The following DCAF8L2 variants were observed in gnomAD, a reference collection of about 807,000 sequenced individuals.
DCAF8L2 encodes the protein DDB1 and CUL4 associated factor 8 like 2, also known as DDB1- and CUL4-associated factor 8-like protein 2.
For missense variants in DCAF8L2, 430 were observed against 490.7 expected (o/e 0.88, Z 1.17); for synonymous variants, 200 against 190.9 (o/e 1.05, Z -0.39).
intron 2 of DCAF8L2, among the ~76,000 whole-genome samples, chrX:27,637,224 G>C (rs1928538403): frequency 8.9e-6 from 1 of 112,050 alleles, no homozygotes; most frequent in Admixed American, 9.5e-5. Context: ...AAGCCAGTTT[G>C]TTTCAGGTTT....
chrX:27,525,278 T>C, the DCAF8L2 span, among the ~76,000 whole-genome samples: 1 of 112,259 alleles, frequency 8.9e-6, no homozygotes, highest in East Asian at 2.8e-4. Context: ...CCTTTACCAT[T>C]ATGTAATGGC....
the DCAF8L2 span, among the ~76,000 whole-genome samples, chrX:27,516,487 AAC>A: frequency 1.2e-5 from 1 of 83,066 alleles, no homozygotes; most frequent in Non-Finnish European, 2.4e-5. Context: ...CACACACACA[AAC>A]ACACACACAT....
chrX:27,592,431 TG>T (rs150814309), intron 1 of DCAF8L2, among the ~76,000 whole-genome samples: 30 of 105,346 alleles, frequency 2.8e-4, no homozygotes, highest in African/African-American at 9.8e-4. Context: ...TTTTTTTTTT[TG>T]GTTTATTTAT....
the DCAF8L2 span, among the ~76,000 whole-genome samples, chrX:27,536,218 A>C: frequency 1.8e-5 from 2 of 112,694 alleles, no homozygotes; most frequent in South Asian, 7.2e-4. Flanking sequence ...ATTAATAAAT[A>C]AATGAGCCAA....
chrX:27,552,715 G>A, the DCAF8L2 span, among the ~76,000 whole-genome samples: 1 of 111,201 alleles, frequency 9.0e-6, no homozygotes, highest in Non-Finnish European at 1.9e-5. Context: ...ATTATATTTT[G>A]TAGTCAGGTA....
chrX:27,639,064 G>A (rs1464947471), intron 2 of DCAF8L2, among the ~76,000 whole-genome samples: 1 of 111,806 alleles, frequency 8.9e-6, no homozygotes, highest in African/African-American at 3.3e-5. Context: ...ATATCATCAC[G>A]GGATCTCTGT....
At chrX:27,488,481 G>T in the DCAF8L2 span, among the ~76,000 whole-genome samples, 4 of 106,025 alleles carry the variant, frequency 3.8e-5, no homozygotes, top group Admixed American at 4.1e-4. Context: ...AAACACAAAG[G>T]CTTTTTTACA....
At chrX:27,535,785 G>A in the DCAF8L2 span, among the ~76,000 whole-genome samples, 2 of 111,715 alleles carry the variant, frequency 1.8e-5, no homozygotes, top group Non-Finnish European at 3.8e-5. Context: ...GCTCACGCAA[G>A]TAAAAGAGAC....
intron 2 of DCAF8L2, among the ~76,000 whole-genome samples, chrX:27,638,852 C>A (rs1406309927): frequency 9.0e-6 from 1 of 111,581 alleles, no homozygotes; most frequent in African/African-American, 3.3e-5. Context: ...AATCCACCCC[C>A]ACCCAAAGAG....
intron 4 of DCAF8L2, among the ~76,000 whole-genome samples, chrX:27,740,171 CTTGCAA>C (rs1457170973): frequency 8.9e-6 from 1 of 112,054 alleles, no homozygotes; most frequent in African/African-American, 3.2e-5. Flanking sequence ...TGCTGAACTG[CTTGCAA>C]TTACCCAACT....
chrX:27,478,653 T>C, the DCAF8L2 span, among the ~76,000 whole-genome samples: 1 of 112,205 alleles, frequency 8.9e-6, no homozygotes, highest in Non-Finnish European at 1.9e-5. Flanking sequence ...TTTTTAAATG[T>C]ACCATGAGAA....
intron 1 of DCAF8L2, among the ~76,000 whole-genome samples, chrX:27,622,811 T>C (rs1218533785): frequency 9.0e-6 from 1 of 110,728 alleles, no homozygotes; most frequent in Non-Finnish European, 1.9e-5. Context: ...ACAGGGTGTA[T>C]GGGAGTTATT....
chrX:27,642,144 C>T (rs922401046), intron 2 of DCAF8L2, among the ~76,000 whole-genome samples: 4 of 110,523 alleles, frequency 3.6e-5, no homozygotes, highest in Admixed American at 9.7e-5. Context: ...CCGCCCACCT[C>T]GGCCTCCCAA....
chrX:27,609,633 C>T (rs891413725), intron 1 of DCAF8L2, among the ~76,000 whole-genome samples: 4 of 111,302 alleles, frequency 3.6e-5, no homozygotes, highest in African/African-American at 1.3e-4. Flanking sequence ...CACTGGATTC[C>T]CTGCCAAACG....
intron 1 of DCAF8L2, among the ~76,000 whole-genome samples, chrX:27,593,410 T>C (rs1238594249): frequency 7.1e-5 from 8 of 112,446 alleles, no homozygotes; most frequent in Admixed American, 1.9e-4. Flanking sequence ...ATGTCCTTCC[T>C]TTTTCAAGGC....
chrX:27,696,152 T>A, intron 3 of DCAF8L2, among the ~76,000 whole-genome samples: 1 of 103,310 alleles, frequency 9.7e-6, no homozygotes, highest in Middle Eastern at 5.0e-3. Context: ...TGAGCTGAGA[T>A]CATGCCACTG....
the DCAF8L2 span, among the ~76,000 whole-genome samples, chrX:27,514,704 A>AAG: frequency 1.0e-5 from 1 of 98,916 alleles, no homozygotes; most frequent in Admixed American, 1.0e-4. Flanking sequence ...AACAAAAAAA[A>AAG]AAAACAGAGT....
chrX:27,525,783 T>C, the DCAF8L2 span, among the ~76,000 whole-genome samples: 1 of 111,656 alleles, frequency 9.0e-6, no homozygotes, highest in Non-Finnish European at 1.9e-5. Flanking sequence ...CCTTCACTTA[T>C]GAAGCTTAGT....
At chrX:27,698,216 G>T (rs756596872) in intron 3 of DCAF8L2, among the ~76,000 whole-genome samples, 2 of 111,372 alleles carry the variant, frequency 1.8e-5, no homozygotes, top group African/African-American at 3.3e-5. Context: ...GAAATGCAAA[G>T]AAAAGTTTTG....
Sources: gnomAD v4.1 joint callset for allele counts (sites outside exome capture counted in the v4.1 genomes callset) on GRCh38, gnomAD v4.1.1 for gene constraint, MANE v1.5 for transcripts, NCBI Gene and HGNC (gene_info 2026-07-23, HGNC 2026-07-21) for gene names.